The following EPM2A variants were observed in gnomAD, a reference collection of about 807,000 sequenced individuals.
The protein encoded by EPM2A is laforin.
Under a neutral mutation model 26.5 loss-of-function variants are expected in EPM2A, and 21 were observed. That is an observed-to-expected ratio of 0.79 (90% CI 0.56 to 1.14). EPM2A has a LOEUF of 1.14. EPM2A is among the 50% of genes most tolerant of loss of function. The pLI is 0.00. For missense variants in EPM2A, 458 were observed against 440.8 expected, an observed-to-expected ratio of 1.04 and a Z score of -0.35; for synonymous variants, 217 against 177.6, an observed-to-expected ratio of 1.22 and a Z score of -1.76.
chr6:145,615,947 A>G (rs1775503683), intron 2 of EPM2A, among the ~76,000 whole-genome samples: 1 of 152,228 alleles, frequency 6.6e-6, no homozygotes, highest in African/African-American at 2.4e-5. Flanking sequence ...AAAAGTTTGG[A>G]AAATTTGCAG....
chr6:145,488,587 T>C (rs1412027410), intron 4 of EPM2A, among the ~76,000 whole-genome samples: 1 of 151,528 alleles, frequency 6.6e-6, no homozygotes, highest in Non-Finnish European at 1.5e-5. Flanking sequence ...TAAAAATATT[T>C]AGACATTTAT....
At chr6:145,632,147 A>T (rs1161888825) in intron 3 of EPM2A, 1 of 152,166 alleles carries the variant, frequency 6.6e-6, no homozygotes, top group African/African-American at 2.4e-5. Context: ...TCATTTTCTT[A>T]ATGCAGGAAC....
At chr6:145,621,689 A>T (rs1775637779), downstream of EPM2A, among the ~76,000 whole-genome samples, 1 of 151,526 alleles carries the variant, frequency 6.6e-6, no homozygotes, top group African/African-American at 2.4e-5. Context: ...TTCCCTAATG[A>T]TTAATGATGC....
chr6:145,683,741 T>C (rs1780721833), intron 2 of EPM2A, among the ~76,000 whole-genome samples: 1 of 152,106 alleles, frequency 6.6e-6, no homozygotes, highest in Non-Finnish European at 1.5e-5. Context: ...GGAGGAAGTA[T>C]GCAGGTGGGT....
chr6:145,709,866 A>T (rs1370639399), intron 1 of EPM2A, among the ~76,000 whole-genome samples: 1 of 152,206 alleles, frequency 6.6e-6, no homozygotes, highest in Non-Finnish European at 1.5e-5. Context: ...AGAAATGGGG[A>T]AAAGATTCCC....
chr6:145,603,662 A>T (rs1781445699), intron 2 of EPM2A, among the ~76,000 whole-genome samples: 1 of 152,234 alleles, frequency 6.6e-6, no homozygotes, highest in Non-Finnish European at 1.5e-5. Context: ...TACCACATTT[A>T]ACACATTCTA....
At chr6:145,561,168 T>TA (rs1780799521) in intron 2 of EPM2A, among the ~76,000 whole-genome samples, 1 of 136,738 alleles carries the variant, frequency 7.3e-6, no homozygotes, top group African/African-American at 2.6e-5. Flanking sequence ...TTTTTTTTTT[T>TA]ACTGTAACTT....
intron 2 of EPM2A, among the ~76,000 whole-genome samples, chr6:145,537,651 G>T (rs1276525430): frequency 6.7e-6 from 1 of 150,112 alleles, no homozygotes; most frequent in Non-Finnish European, 1.5e-5. Flanking sequence ...ACGTTACATA[G>T]GTATACATGT....
At chr6:145,567,159 C>T (rs549822634) in intron 2 of EPM2A, among the ~76,000 whole-genome samples, 2 of 152,288 alleles carry the variant, frequency 1.3e-5, no homozygotes, top group South Asian at 4.1e-4. Flanking sequence ...TTTTCTTAAA[C>T]ACTGCAGTGA....
chr6:145,457,075 G>A (rs1042200918), intron 4 of EPM2A, among the ~76,000 whole-genome samples: 1 of 152,086 alleles, frequency 6.6e-6, no homozygotes, highest in Non-Finnish European at 1.5e-5. Context: ...ATATTAGCTC[G>A]CTTCATGCTC....
rs1777076629 is a variant in EPM2A, at chr6:145,641,386, G to C, written c.477-5900C>G. On this transcript the variant is annotated intron_variant, in intron 2 of 3. Coordinates refer to ENST00000367519, the MANE Select transcript of EPM2A (RefSeq NM_005670.4). ...CAATGTGAAGATACAGGGAGAAGAT[G>C]GCTTCAAACAGATGCTGCCACTCAG... 2.0e-5 allele frequency: 3 copies of C among 152,202 alleles called. No homozygotes were observed. In the South Asian group the frequency reaches 6.2e-4, roughly 32 times the overall value. 9.4% of individuals were successfully genotyped at this position (152,202 alleles called of 1,614,324 possible). A position where few individuals can be genotyped will look rare whatever the true frequency, so the allele number is the denominator to read the frequency against.
chr6:145,686,322 G>C, intron 1 of EPM2A, 26 bp from the exon 2 acceptor site: 1 of 1,591,146 alleles, frequency 6.3e-7, no homozygotes, highest in Non-Finnish European at 8.6e-7. Context: ...ATGATAAACA[G>C]AGCAATTAAA....
At chr6:145,463,563 CT>C (rs11358786) in intron 4 of EPM2A, among the ~76,000 whole-genome samples, 9,950 of 152,032 alleles carry the variant, frequency 0.065, 1,067 homozygotes, top group African/African-American at 0.22. Context: ...ACTTTTTCCA[CT>C]TTTCAATATG....
chr6:145,404,825 C>T (rs1778544898), intron 4 of EPM2A, among the ~76,000 whole-genome samples: 1 of 152,064 alleles, frequency 6.6e-6, no homozygotes, highest in Non-Finnish European at 1.5e-5. Context: ...TGAAAGATTG[C>T]TGCAGGAAGC....
At chr6:145,480,738 C>T (rs939246406) in intron 4 of EPM2A, among the ~76,000 whole-genome samples, 1 of 151,992 alleles carries the variant, frequency 6.6e-6, no homozygotes, top group Non-Finnish European at 1.5e-5. Flanking sequence ...TATTTGATAG[C>T]TTATTGTCAT....
At chr6:145,603,097 T>C (rs1483961938) in intron 2 of EPM2A, among the ~76,000 whole-genome samples, 1 of 152,166 alleles carries the variant, frequency 6.6e-6, no homozygotes, top group Non-Finnish European at 1.5e-5. Context: ...TGCTGGCATC[T>C]CTGCCCCAGT....
At chr6:145,680,068 T>G (rs1207953219) in intron 2 of EPM2A, 1 of 152,118 alleles carries the variant, frequency 6.6e-6, no homozygotes, top group African/African-American at 2.4e-5. Context: ...TATAATCATA[T>G]TATTTATCAT....
intron 2 of EPM2A, among the ~76,000 whole-genome samples, chr6:145,669,858 C>T (rs980372467): frequency 5.9e-5 from 9 of 152,060 alleles, no homozygotes; most frequent in Non-Finnish European, 8.8e-5. Context: ...CATTAGTCAC[C>T]CAGTCCATGT....
At chr6:145,644,748 A>C (rs1451811547) in intron 2 of EPM2A, among the ~76,000 whole-genome samples, 1 of 152,096 alleles carries the variant, frequency 6.6e-6, no homozygotes, top group Non-Finnish European at 1.5e-5. Context: ...TTCATCCTGA[A>C]GTCAGAGTAC....
Sources: gnomAD v4.1 joint callset for allele counts (sites outside exome capture counted in the v4.1 genomes callset) on GRCh38, gnomAD v4.1.1 for gene constraint, MANE v1.5 for transcripts, NCBI Gene and HGNC (gene_info 2026-07-23, HGNC 2026-07-21) for gene names.